FCRL4: variants seen among roughly 807,000 people sequenced by gnomAD.
FCRL4 encodes Fc receptor like 4.
In FCRL4, 43 loss-of-function variants were observed where a neutral mutation model predicts 64.1. That is an observed-to-expected ratio of 0.67 (90% CI 0.53 to 0.87). The LOEUF is 0.87. Among genes scored for constraint, FCRL4 ranks in the 40% least tolerant of loss-of-function variants. The probability of loss-of-function intolerance (pLI) is 0.00; values close to 1 mark genes in which losing one functional copy is unlikely to be tolerated. For synonymous variants in FCRL4, 253 were observed against 239.8 expected (o/e 1.05, Z -0.51); for missense variants, 656 against 613.5 (o/e 1.07, Z -0.73).
intron 5 of FCRL4, 127 bp downstream of exon 5, chr1:157,587,149 A>T: frequency 9.8e-7 from 1 of 1,015,686 alleles, no homozygotes; most frequent in Non-Finnish European, 1.5e-6. Context: ...ATAGTACTGC[A>T]CTTCTTGGCC....
chr1:157,577,872 C>T (rs76007671), intron 10 of FCRL4, among the ~76,000 whole-genome samples: 4,804 of 152,082 alleles, frequency 0.032, 122 homozygotes, highest in South Asian at 0.065. Context: ...ATGTAGAGTC[C>T]CCAGAAATGC....
Position 157,578,490 on chromosome 1 carries a change from C to T in FCRL4, c.1413G>A (p.Leu471=). 1 of 1,613,770 alleles carries T rather than the reference C, an allele frequency of 6.2e-7. No individual in the cohort carries two copies. Among genetic ancestry groups the T allele is most frequent in the Non-Finnish European group, 8.5e-7 (1 of 1,179,638 alleles). Reference sequence around the variant, plus strand: ...AAGACGTACCTTCCTCTTCTTCTCCCAGCTGAGTAGTCTGGATCTCAGAGT... The same window carrying T: ...AAGACGTACCTTCCTCTTCTTCTCCTAGCTGAGTAGTCTGGATCTCAGAGT... ...LVYSEIQTTQ[L]GEEEEANTSR... The change falls in exon 10 of 12, where the codon CTG becomes CTA. Residue 471 remains leucine, a synonymous_variant. Transcript: ENST00000271532.
At chr1:157,576,623 G>T (rs547049030) in intron 10 of FCRL4, among the ~76,000 whole-genome samples, 1 of 152,268 alleles carries the variant, frequency 6.6e-6, no homozygotes, top group Admixed American at 6.5e-5. Flanking sequence ...AATATGTCAA[G>T]GAAAGAGTAT....
intron 2 of FCRL4, 78 bp downstream of exon 2, chr1:157,596,250 C>G: frequency 6.8e-7 from 1 of 1,479,062 alleles, no homozygotes; most frequent in South Asian, 1.1e-5. Flanking sequence ...ACAACAGGGA[C>G]TCTTGTAAGT....
Position 157,574,103 on chromosome 1 carries a change from AC to A in FCRL4, c.*1420del. 1 of 217,920 alleles carries A rather than the reference AC, an allele frequency of 4.6e-6. No homozygotes were observed. The highest frequency in any genetic ancestry group is 6.8e-5 in the East Asian group (1 of 14,730). 13.5% of individuals were successfully genotyped at this position (217,920 alleles called of 1,614,324 possible). On this transcript the variant is annotated 3_prime_UTR_variant, in exon 12 of 12. Transcript: ENST00000271532. ...AATCAGCGTAGTTGGGATATCTGTCACCTTAAATATTCGTCTTTTCTTTATG... is the reference window on the plus strand; with the variant it reads ...AATCAGCGTAGTTGGGATATCTGTCACTTAAATATTCGTCTTTTCTTTATG...
intron 6 of FCRL4, among the ~76,000 whole-genome samples, chr1:157,585,728 G>A (rs931000919): frequency 1.3e-5 from 2 of 152,066 alleles, no homozygotes; most frequent in Non-Finnish European, 1.5e-5. Context: ...TGAAGTAAAG[G>A]AATGCCTTGT....
In FCRL4 at chr1:157,586,207, C is replaced by A. The variant is rs765263802; in HGVS notation, c.1096G>T (p.Gly366Cys). Residue 366 changes from glycine (G) to cysteine (C), a missense_variant, in exon 6 of 12, where the codon GGC becomes TGC. Gly to Cys is a radical substitution (Grantham distance 159). Coordinates refer to ENST00000271532, the MANE Select transcript of FCRL4 (RefSeq NM_031282.3). The part of the protein sequence containing the change: ...GYYCTADNSY[G>C]PVQSMVLNVT... ...TTCAGCACCATGCTCTGGACAGGGC[C>A]GTAGCTGTTGTCTGCTGTACAGTAG... The A allele has an allele frequency of 6.2e-7, 1 of 1,613,872 alleles. No homozygotes were observed. Among genetic ancestry groups the A allele is most frequent in the Non-Finnish European group, 8.5e-7 (1 of 1,179,810 alleles).
At chr1:157,578,900 C>T (rs371596382) in intron 8 of FCRL4, 48 bp from the exon 9 acceptor site, 10 of 1,470,306 alleles carry the variant, frequency 6.8e-6, no homozygotes, top group Non-Finnish European at 8.4e-6. Flanking sequence ...CTGTAACATG[C>T]GGGAGAGTGA....
rs142118099 is a variant in FCRL4 at position 157,586,252 on chromosome 1, G to C, written c.1051C>G (p.Gln351Glu). The C allele has an allele frequency of 1.5e-4, 249 of 1,614,112 alleles. No homozygotes were observed. The African/African-American group carries it at 3.1e-3, about 20-fold the overall frequency. ...CAGTAGTATCCCCCTGCATGGCTCT[G>C]TCTGATGGCAGGGAGCTCCAGCTCT... is the stretch of plus-strand genomic sequence containing the variant. ...RAELELPAIR[Q>E]SHAGGYYCTA... The change falls in exon 6 of 12, where the codon CAG becomes GAG. Residue 351 changes from glutamine (Q) to glutamate (E), a missense_variant. Physicochemically the swap from Gln to Glu is conservative, Grantham distance 29. Coordinates refer to ENST00000271532, the MANE Select transcript of FCRL4 (RefSeq NM_031282.3).
At position 157,589,428 on chromosome 1, in the gene FCRL4, T is replaced by TG. The variant is rs1340197380; in HGVS notation, c.82dup (p.His28ProfsTer67). 2 of 1,614,044 alleles carry TG rather than the reference T, an allele frequency of 1.2e-6. No individual in the cohort carries two copies. Among genetic ancestry groups the TG allele is most frequent in the African/African-American group, 1.3e-5 (1 of 74,932 alleles). ...TTTGAAGAATGTGGTCCATGGAGGA[T>TG]GGACGGAAATCACAGGTTTGTGTGC... is the stretch of plus-strand genomic sequence containing the variant. On this transcript the variant is annotated frameshift_variant, in exon 3 of 12. Transcript: ENST00000271532. LOFTEE classifies it high-confidence loss of function.
At chr1:157,579,093 G>A (rs1050234447) in intron 8 of FCRL4, among the ~76,000 whole-genome samples, 8 of 152,228 alleles carry the variant, frequency 5.3e-5, no homozygotes, top group African/African-American at 1.9e-4. Context: ...AGGTTAGGGA[G>A]TCTCTGACAT....
chr1:157,580,282 C>T (rs1458304649), intron 8 of FCRL4, 39 bp downstream of exon 8: 51 of 1,612,250 alleles, frequency 3.2e-5, no homozygotes, highest in Non-Finnish European at 3.9e-5. Context: ...ATTGTGTACT[C>T]GGGAAACTAA....
At position 157,589,474 on chromosome 1, in the gene FCRL4, T is replaced by C. The variant is rs745695763; in HGVS notation, c.53-16A>G. On this transcript the variant is annotated splice_polypyrimidine_tract_variant and intron_variant, in intron 2 of 11. Transcript: ENST00000271532. ...TGTGCAGCTGCTGAGGAGGAAAGAGTAATAGGTCTGAGGTGGAGGTGCCTG... is the reference window on the plus strand; with the variant it reads ...TGTGCAGCTGCTGAGGAGGAAAGAGCAATAGGTCTGAGGTGGAGGTGCCTG... 1.2e-6 allele frequency: 2 copies of C among 1,611,796 alleles called. No individual in the cohort carries two copies. The highest frequency in any genetic ancestry group is 8.5e-7 in the Non-Finnish European group (1 of 1,178,538).
intron 6 of FCRL4, among the ~76,000 whole-genome samples, chr1:157,585,672 C>T (rs554582431): frequency 6.6e-6 from 1 of 152,236 alleles, no homozygotes; most frequent in East Asian, 1.9e-4. Context: ...TCCTGACCCA[C>T]ATACAATTTG....
chr1:157,586,560 C>G, intron 5 of FCRL4, 105 bp from the exon 6 acceptor site: 3 of 977,318 alleles, frequency 3.1e-6, no homozygotes, highest in Non-Finnish European at 4.5e-6. Flanking sequence ...TCAAGATATA[C>G]TCTTCAGCAG....
rs751443381 is a variant in FCRL4, at chr1:157,597,958, A to G, written c.-14T>C. The stretch of plus-strand genomic sequence containing the variant: ...CCACAGCAGCATGGAAGCCTGCTCC[A>G]GGATTGGAGAAGGAGTTCTGAGGAG... On this transcript the variant is annotated 5_prime_UTR_variant, in exon 1 of 12. Coordinates refer to ENST00000271532, the MANE Select transcript of FCRL4 (RefSeq NM_031282.3). 6.2e-7 allele frequency: 1 copy of G among 1,611,702 alleles called. No individual in the cohort carries two copies. The highest frequency in any genetic ancestry group is 8.5e-7 in the Non-Finnish European group (1 of 1,178,346).
rs1283324591 is a variant in FCRL4 at position 157,589,374 on chromosome 1, C to G, written c.137G>C (p.Gly46Ala). ...KGERVTLTCN[G>A]FQFYATEKTT... is the part of the protein sequence containing the mutation. ...TTTCTCTGTTGCATAGAACTGAAAT[C>G]CATTGCAAGTCAGAGTCACTCTCTC... The change falls in exon 3 of 12, where the codon GGA becomes GCA. Residue 46 changes from glycine (G) to alanine (A), a missense_variant. Physicochemically the swap from Gly to Ala is moderately conservative, Grantham distance 60. Transcript: ENST00000271532. The G allele has an allele frequency of 6.2e-7, 1 of 1,614,028 alleles. No individual in the cohort carries two copies. The highest frequency in any genetic ancestry group is 8.5e-7 in the Non-Finnish European group (1 of 1,180,026).
intron 6 of FCRL4, 50 bp from the exon 7 acceptor site, chr1:157,581,694 G>T: frequency 6.8e-7 from 1 of 1,462,528 alleles, no homozygotes; most frequent in Non-Finnish European, 9.5e-7. Flanking sequence ...TCAGGGTTTG[G>T]GATTGCCTTT....
rs377379711 is a variant in FCRL4 at position 157,587,788 on chromosome 1, C to G, written c.562+77G>C. On this transcript the variant is annotated intron_variant, in intron 4 of 11. Transcript: ENST00000271532. ...TCTATCCAGAGTTTCAATAGTAACC[C>G]GTAAATTCTTTCCTTACATGCTCAG... The G allele has an allele frequency of 4.4e-5, 62 of 1,405,752 alleles. 1 individual carries two copies. The South Asian group carries it at 8.1e-4, about 18-fold the overall frequency. The allele number at this position is 1,405,752 out of a possible 1,614,324, so 87.1% of individuals were successfully genotyped here.
Sources: allele counts gnomAD v4.1 joint callset (sites outside exome capture counted in the v4.1 genomes callset), GRCh38; gene constraint gnomAD v4.1.1; transcripts MANE v1.5; gene names NCBI Gene and HGNC (gene_info 2026-07-23, HGNC 2026-07-21).